Variants in CALN1 observed in about 807,000 individuals in gnomAD.
CALN1 encodes calcium-binding protein 8.
A neutral mutation model predicts 30.6 loss-of-function variants in CALN1; 17 were observed. The observed-to-expected ratio is 0.56, with a 90% CI of 0.38 to 0.83. CALN1 has a LOEUF of 0.83. Among genes scored for constraint, CALN1 ranks in the 40% least tolerant of loss-of-function variants. The probability of loss-of-function intolerance (pLI) is 0.00; values close to 1 mark genes in which losing one functional copy is unlikely to be tolerated. For missense variants in CALN1, 291 were observed against 354.9 expected, an observed-to-expected ratio of 0.82 and a Z score of 1.45; for synonymous variants, 156 against 131.4, an observed-to-expected ratio of 1.19 and a Z score of -1.28.
intron 6 of CALN1, among the ~76,000 whole-genome samples, chr7:71,809,871 C>T (rs889600482): frequency 6.6e-6 from 1 of 151,418 alleles, no homozygotes; most frequent in Non-Finnish European, 1.5e-5. Context: ...TAGAGGTCAT[C>T]CATTCCTAAG....
In CALN1 at chr7:72,065,589, T is replaced by C. The variant is rs181549994; in HGVS notation, c.388+40562A>G. 5.4e-3 allele frequency among the ~76,000 whole-genome samples: 816 copies of C among 152,290 alleles called. 1 individual carries two copies. The highest frequency in any genetic ancestry group is 0.011 in the African/African-American group (453 of 41,568). Reference sequence around the variant, plus strand: ...TTACAGTATGTATTCTGGAGTCCCATTGAGATCCCGGTTCTTGCCTCCAAA... The same window carrying C: ...TTACAGTATGTATTCTGGAGTCCCACTGAGATCCCGGTTCTTGCCTCCAAA... On this transcript the variant is annotated intron_variant, in intron 4 of 6. Coordinates refer to ENST00000395275, the MANE Select transcript of CALN1 (RefSeq NM_031468.4).
chr7:72,290,155 T>A (rs1183252738), intron 2 of CALN1, among the ~76,000 whole-genome samples: 2 of 88,294 alleles, frequency 2.3e-5, no homozygotes, highest in Non-Finnish European at 2.3e-5. Context: ...CCTCACAAAA[T>A]CCCTTAAAAT....
At chr7:72,475,326 G>A in the CALN1 span, among the ~76,000 whole-genome samples, 6 of 152,032 alleles carry the variant, frequency 3.9e-5, no homozygotes, top group African/African-American at 1.2e-4. Context: ...ATGGTGGCAC[G>A]CGCCTGTAGT....
chr7:71,976,005 C>T (rs1276476145), intron 5 of CALN1, among the ~76,000 whole-genome samples: 1 of 151,350 alleles, frequency 6.6e-6, no homozygotes, highest in African/African-American at 2.4e-5. Context: ...AATTTGAGAT[C>T]TCGAGTACAC....
intron 5 of CALN1, among the ~76,000 whole-genome samples, chr7:71,968,266 T>A (rs1797625083): frequency 6.6e-6 from 1 of 152,078 alleles, no homozygotes; most frequent in South Asian, 2.1e-4. Flanking sequence ...TTATACTGAA[T>A]GAAAAAAAGC....
chr7:72,309,990 G>T (rs958397708), intron 2 of CALN1, among the ~76,000 whole-genome samples: 1 of 151,988 alleles, frequency 6.6e-6, no homozygotes, highest in African/African-American at 2.4e-5. Flanking sequence ...TGTTCACATC[G>T]GTCCGCCAGC....
intron 3 of CALN1, among the ~76,000 whole-genome samples, chr7:72,241,686 A>G (rs575047674): frequency 3.3e-5 from 5 of 152,218 alleles, no homozygotes; most frequent in African/African-American, 4.8e-5. Context: ...AGCCTGGGCA[A>G]TAAGAGTGAA....
intron 3 of CALN1, among the ~76,000 whole-genome samples, chr7:72,215,910 C>A (rs964773385): frequency 2.0e-5 from 3 of 152,220 alleles, no homozygotes; most frequent in African/African-American, 7.2e-5. Context: ...CTCTAATGGG[C>A]AATCTTTGCT....
chr7:72,501,928 A>AAAAAAAATATATAT, the CALN1 span, among the ~76,000 whole-genome samples: 1 of 57,968 alleles, frequency 1.7e-5, no homozygotes, highest in African/African-American at 9.9e-5. Context: ...AAAAAAAAAA[A>AAAAAAAATATATAT]ATATATATAT....
intron 1 of CALN1, among the ~76,000 whole-genome samples, chr7:72,441,023 ATCC>A (rs1170199551): frequency 1.2e-4 from 18 of 151,460 alleles, no homozygotes; most frequent in African/African-American, 4.3e-4. Context: ...AAAAAATGCT[ATCC>A]AAAATGCTTT....
intron 4 of CALN1, among the ~76,000 whole-genome samples, chr7:72,082,884 A>T (rs1805242255): frequency 6.6e-6 from 1 of 152,168 alleles, no homozygotes; most frequent in Non-Finnish European, 1.5e-5. Context: ...AGTATCTGGC[A>T]TTCAATCAGG....
intron 2 of CALN1, among the ~76,000 whole-genome samples, chr7:72,324,121 A>C (rs529505670): frequency 6.6e-6 from 1 of 152,020 alleles, no homozygotes. Context: ...CCTGGTTCGC[A>C]AAGTTGGCTG....
At chr7:72,430,163 A>T (rs1807928428) in intron 1 of CALN1, among the ~76,000 whole-genome samples, 2 of 149,228 alleles carry the variant, frequency 1.3e-5, no homozygotes, top group African/African-American at 4.9e-5. Context: ...TTATAGATTT[A>T]TATATAATCG....
intron 5 of CALN1, among the ~76,000 whole-genome samples, chr7:71,931,758 T>G (rs1050050184): frequency 6.6e-6 from 1 of 152,098 alleles, no homozygotes; most frequent in Non-Finnish European, 1.5e-5. Flanking sequence ...TTGAGGAGGG[T>G]GATGATGGGA....
intron 5 of CALN1, among the ~76,000 whole-genome samples, chr7:71,949,732 A>G (rs937918812): frequency 3.3e-5 from 5 of 151,676 alleles, no homozygotes; most frequent in Non-Finnish European, 7.4e-5. Context: ...TCGAGCCCCT[A>G]TGCCTGGGCC....
chr7:72,299,077 G>A (rs6948582), intron 2 of CALN1, among the ~76,000 whole-genome samples: 150,541 of 152,246 alleles, frequency 0.99, 74,446 homozygotes, highest in Middle Eastern at 1. Flanking sequence ...AGGTACCACA[G>A]TACCTCCCAG....
chr7:71,783,899 G>T lies in CALN1; in HGVS notation c.*3876C>A, dbSNP rs1164391027. ...TCAAGTGAGATTTGAGACAGGGCAG[G>T]TATTGAGAAAGAAGACTCATAAGAC... On this transcript the variant is annotated 3_prime_UTR_variant, in exon 7 of 7. Transcript: ENST00000395275. 2.0e-5 allele frequency: 3 copies of T among 152,350 alleles called. No individual in the cohort carries two copies. The highest frequency in any genetic ancestry group is 6.5e-5 in the Admixed American group (1 of 15,276). 9.4% of individuals were successfully genotyped at this position (152,350 alleles called of 1,614,324 possible).
intron 5 of CALN1, among the ~76,000 whole-genome samples, chr7:71,961,210 G>T (rs1458114171): frequency 6.6e-6 from 1 of 152,180 alleles, no homozygotes; most frequent in Non-Finnish European, 1.5e-5. Context: ...GTATCTGAAA[G>T]ATTACTTCTC....
chr7:72,135,334 C>T (rs1436742239), intron 3 of CALN1, among the ~76,000 whole-genome samples: 4 of 152,194 alleles, frequency 2.6e-5, no homozygotes, highest in Admixed American at 6.5e-5. Context: ...GGAATCACTA[C>T]GTATGGCAGC....
Sources: gnomAD v4.1 joint callset for allele counts (sites outside exome capture counted in the v4.1 genomes callset) on GRCh38, gnomAD v4.1.1 for gene constraint, MANE v1.5 for transcripts, NCBI Gene and HGNC (gene_info 2026-07-23, HGNC 2026-07-21) for gene names.